FREM1: variants seen among roughly 807,000 people sequenced by gnomAD.
The protein encoded by FREM1 is FRAS1 related extracellular matrix 1, also known as FRAS1-related extracellular matrix protein 1.
A neutral mutation model predicts 210.1 loss-of-function variants in FREM1; 220 were observed. The ratio of observed to expected loss-of-function variants is 1.05; its 90% confidence interval spans 0.94 to 1.17. FREM1 has a LOEUF of 1.17. Among genes scored for constraint, FREM1 ranks in the 50% most tolerant of loss-of-function variants. The pLI, the probability that FREM1 is intolerant of heterozygous loss-of-function variation, is 0.00. For missense variants in FREM1, 3,454 were observed against 2,675.5 expected, an observed-to-expected ratio of 1.29 and a Z score of -6.42; for synonymous variants, 1,189 against 980.2, an observed-to-expected ratio of 1.21 and a Z score of -3.98.
chr9:14,874,297 A>G (rs545572921), intron 1 of FREM1, among the ~76,000 whole-genome samples: 1 of 151,376 alleles, frequency 6.6e-6, no homozygotes, highest in South Asian at 2.1e-4. Context: ...ATTGTGTGGG[A>G]GTCTAAGTCT....
rs1051856555 is a variant in FREM1, at chr9:14,772,703, G to A, written c.4858-1897C>T. Among the ~76,000 whole-genome samples, 16 of 152,136 alleles carry A rather than the reference G, an allele frequency of 1.1e-4. 1 individual carries two copies. The highest frequency in any genetic ancestry group is 3.6e-4 in the African/African-American group (15 of 41,438). On this transcript the variant is annotated intron_variant, in intron 25 of 36. Coordinates refer to ENST00000380880, the MANE Select transcript of FREM1 (RefSeq NM_001379081.2). ...TGGCAACTTTCAAAGCAATGAGATT[G>A]GGTATTAAATTGTCATTGTGGCCCG...
intron 21 of FREM1, among the ~76,000 whole-genome samples, chr9:14,797,250 C>T (rs1852596119): frequency 6.6e-6 from 1 of 152,206 alleles, no homozygotes; most frequent in Non-Finnish European, 1.5e-5. Context: ...TTCAGTCATT[C>T]TTATTCTTTA....
rs575973341 is a variant in FREM1, at chr9:14,872,158, T to G, written c.-267-2914A>C. Among the ~76,000 whole-genome samples, 518 of 152,310 alleles carry G rather than the reference T, an allele frequency of 3.4e-3. 1 individual carries two copies. The highest frequency in any genetic ancestry group is 0.012 in the African/African-American group (484 of 41,570). ...ATTGACTTGGCAATGCGGGCTCTTT[T>G]TTGGTTCCATATGAACTTTAAAGTA... is the stretch of plus-strand genomic sequence containing the variant. On this transcript the variant is annotated intron_variant, in intron 1 of 36. Coordinates refer to ENST00000380880, the MANE Select transcript of FREM1 (RefSeq NM_001379081.2).
chr9:14,827,509 A>C (rs1822699849), intron 10 of FREM1, among the ~76,000 whole-genome samples: 1 of 152,196 alleles, frequency 6.6e-6, no homozygotes, highest in African/African-American at 2.4e-5. Flanking sequence ...TAAAGCCAGA[A>C]TTTTTTGTCA....
At chr9:14,842,903 A>C (rs1825939800) in intron 8 of FREM1, among the ~76,000 whole-genome samples, 1 of 152,210 alleles carries the variant, frequency 6.6e-6, no homozygotes, top group Non-Finnish European at 1.5e-5. Context: ...CTCATCTATA[A>C]AACATGGATA....
chr9:14,821,835 A>C (rs71476228), intron 13 of FREM1, among the ~76,000 whole-genome samples: 41 of 152,268 alleles, frequency 2.7e-4, no homozygotes, highest in African/African-American at 9.9e-4. Context: ...TTTCAAGGGA[A>C]GCTAGGAATC....
chr9:14,897,464 G>A (rs116065225), intron 1 of FREM1, among the ~76,000 whole-genome samples: 1 of 127,088 alleles, frequency 7.9e-6, no homozygotes, highest in Non-Finnish European at 1.6e-5. Flanking sequence ...ATTGGTTGTT[G>A]CTTTACCCAC....
chr9:14,787,342 A>G (rs1850580901), intron 23 of FREM1, among the ~76,000 whole-genome samples: 2 of 152,212 alleles, frequency 1.3e-5, no homozygotes, highest in Non-Finnish European at 2.9e-5. Context: ...AGAAGAAAAA[A>G]TTTGAACTGA....
chr9:14,752,769 A>G (rs1292883718), intron 29 of FREM1, among the ~76,000 whole-genome samples: 2 of 152,194 alleles, frequency 1.3e-5, no homozygotes, highest in Non-Finnish European at 2.9e-5. Context: ...TCATGTAAAT[A>G]AAATCCAATA....
In FREM1 at chr9:14,808,107, A is replaced by T. The variant is rs1158402834; in HGVS notation, c.2921T>A (p.Phe974Tyr). The change falls in exon 17 of 37, where the codon TTT becomes TAT. Residue 974 changes from phenylalanine (F) to tyrosine (Y), a missense_variant. Transcript: ENST00000380880. ...CGAAACCACCAATGTAATGGTGTCA[A>T]AACAAGGCATCAGGCCAATCTCGCC... ...TGGEIGLMPC[F>Y]DTITLVVSDG... is the part of the protein sequence containing the mutation. 2 of 1,610,626 alleles carry T rather than the reference A, an allele frequency of 1.2e-6. No individual in the cohort carries two copies. Among genetic ancestry groups the T allele is most frequent in the Admixed American group, 3.4e-5 (2 of 59,652 alleles).
At position 14,841,549 on chromosome 9, in the gene FREM1, A is replaced by C; in HGVS notation, c.1779T>G (p.Asn593Lys). 1 of 1,612,174 alleles carries C rather than the reference A, an allele frequency of 6.2e-7. No individual in the cohort carries two copies. Among genetic ancestry groups the C allele is most frequent in the Non-Finnish European group, 8.5e-7 (1 of 1,178,584 alleles). The change falls in exon 10 of 37, where the codon AAT becomes AAG. Residue 593 changes from asparagine (N) to lysine (K), a missense_variant. Transcript: ENST00000380880. ...VHGFLQRDLF[N>K]GIIYYRHFGG... Reference sequence around the variant, plus strand: ...CAAAATGACGATAATAAATGATTCCATTAAACAAATCCCTCTGAAGGAAGC... The same window carrying C: ...CAAAATGACGATAATAAATGATTCCCTTAAACAAATCCCTCTGAAGGAAGC...
intron 36 of FREM1, among the ~76,000 whole-genome samples, chr9:14,739,465 T>TTC (rs767663484): frequency 0.11 from 15,257 of 140,366 alleles, 1,033 homozygotes; most frequent in Non-Finnish European, 0.15. Context: ...TATATATATA[T>TTC]ATATATATAT....
chr9:14,777,965 T>A (rs541027784), intron 24 of FREM1, among the ~76,000 whole-genome samples: 4 of 152,178 alleles, frequency 2.6e-5, no homozygotes, highest in Admixed American at 6.5e-5. Flanking sequence ...AATAAGACTG[T>A]TGACAAGGAA....
chr9:14,833,066 C>G (rs1272939449), intron 10 of FREM1, among the ~76,000 whole-genome samples: 1 of 152,112 alleles, frequency 6.6e-6, no homozygotes, highest in Non-Finnish European at 1.5e-5. Context: ...GTTTTAGTCT[C>G]TGCCATTTTA....
At chr9:14,773,435 GGCAGAAAAAGC>G (rs1347350992) in intron 25 of FREM1, among the ~76,000 whole-genome samples, 1 of 152,070 alleles carries the variant, frequency 6.6e-6, no homozygotes. Context: ...ATATTGTCTT[GGCAGAAAAAGC>G]TCTTGAAGGC....
At chr9:14,752,592 C>A (rs530638346) in intron 29 of FREM1, among the ~76,000 whole-genome samples, 24 of 151,852 alleles carry the variant, frequency 1.6e-4, no homozygotes, top group Non-Finnish European at 2.9e-4. Flanking sequence ...GTCTGGAGAT[C>A]CAGGCAGATA....
intron 15 of FREM1, among the ~76,000 whole-genome samples, chr9:14,814,499 A>C (rs779322761): frequency 1.1e-4 from 16 of 152,246 alleles, no homozygotes; most frequent in Non-Finnish European, 2.1e-4. Flanking sequence ...ATATACATGA[A>C]ATTTAATGGA....
intron 2 of FREM1, among the ~76,000 whole-genome samples, chr9:14,866,025 G>A (rs1382892385): frequency 6.6e-6 from 1 of 152,152 alleles, no homozygotes; most frequent in Non-Finnish European, 1.5e-5. Context: ...GACTTTAGAG[G>A]CTATAAATCC....
chr9:14,828,713 T>C (rs1306466735), intron 10 of FREM1, among the ~76,000 whole-genome samples: 2 of 151,950 alleles, frequency 1.3e-5, no homozygotes, highest in Admixed American at 1.3e-4. Context: ...TAAATTTCTA[T>C]TATTTCTAAA....
Sources: gnomAD v4.1 joint callset for allele counts (sites outside exome capture counted in the v4.1 genomes callset) on GRCh38, gnomAD v4.1.1 for gene constraint, MANE v1.5 for transcripts, NCBI Gene and HGNC (gene_info 2026-07-23, HGNC 2026-07-21) for gene names.